The following DMC1 variants were observed in gnomAD, a reference collection of about 807,000 sequenced individuals.
The protein encoded by DMC1 is meiotic recombination protein DMC1 homolog.
Under a neutral mutation model 50.1 loss-of-function variants are expected in DMC1, and 27 were observed. That is an observed-to-expected ratio of 0.54 (90% confidence interval 0.40 to 0.74). The LOEUF (loss-of-function observed/expected upper bound fraction) is 0.74. DMC1 is among the 30% of genes least tolerant of loss of function. The probability of loss-of-function intolerance (pLI) is 0.00; values close to 1 mark genes in which losing one functional copy is unlikely to be tolerated. For missense variants in DMC1, 295 were observed against 420.2 expected, an observed-to-expected ratio of 0.70 and a Z score of 2.60; for synonymous variants, 148 against 136.1, an observed-to-expected ratio of 1.09 and a Z score of -0.61.
At chr22:38,518,118 G>A (rs2089989038), downstream of DMC1, among the ~76,000 whole-genome samples, 1 of 151,952 alleles carries the variant, frequency 6.6e-6, no homozygotes, top group Non-Finnish European at 1.5e-5. Context: ...GATTACAGAC[G>A]TGCGTCATCG....
At chr22:38,517,562 T>C (rs764981872), downstream of DMC1, among the ~76,000 whole-genome samples, 3 of 151,974 alleles carry the variant, frequency 2.0e-5, no homozygotes, top group Non-Finnish European at 2.9e-5. Flanking sequence ...AGAGTGAAAC[T>C]GTGTCTCAAA....
chr22:38,549,834 A>G, intron 8 of DMC1, 91 bp downstream of exon 8: 2 of 949,490 alleles, frequency 2.1e-6, no homozygotes, highest in South Asian at 2.8e-5. Context: ...TTATGGAATG[A>G]CTACAAAGAT....
intron 6 of DMC1, among the ~76,000 whole-genome samples, chr22:38,553,956 C>CAAA (rs35690372): frequency 2.6e-4 from 9 of 34,788 alleles, no homozygotes; most frequent in African/African-American, 5.5e-4. Flanking sequence ...ACTCCATCTC[C>CAAA]AAAAAAAAAA....
chr22:38,537,576 G>T lies in DMC1; in HGVS notation c.836+16C>A, dbSNP rs759194971. ...ATTAACCTCTGTGAAATAAAAAGTA[G>T]AATATTGGGGCTTACGTCATAGTTG... On this transcript the variant is annotated intron_variant, in intron 12 of 13. Coordinates refer to ENST00000216024, the MANE Select transcript of DMC1 (RefSeq NM_007068.4). 1 of 1,610,160 alleles carries T rather than the reference G, an allele frequency of 6.2e-7. No homozygotes were observed. The highest frequency in any genetic ancestry group is 8.5e-7 in the Non-Finnish European group (1 of 1,176,486).
downstream of DMC1, among the ~76,000 whole-genome samples, chr22:38,515,294 A>G (rs528210199): frequency 1.3e-5 from 2 of 151,130 alleles, no homozygotes; most frequent in South Asian, 4.2e-4. Flanking sequence ...CCTGACCAAC[A>G]TGGTGAAACC....
At chr22:38,552,846 T>A (rs1339641942) in intron 6 of DMC1, 139 bp from the exon 7 acceptor site, 1 of 664,622 alleles carries the variant, frequency 1.5e-6, no homozygotes, top group Non-Finnish European at 2.6e-6. Flanking sequence ...GTATCTCGGA[T>A]GTTATTTTTT....
At chr22:38,555,815 G>A (rs945273388) in intron 5 of DMC1, among the ~76,000 whole-genome samples, 2 of 151,392 alleles carry the variant, frequency 1.3e-5, no homozygotes, top group African/African-American at 4.8e-5. Context: ...GTTACAGATC[G>A]TCTTAATTAT....
chr22:38,537,697 A>C, intron 11 of DMC1, 45 bp from the exon 12 acceptor site: 1 of 1,448,496 alleles, frequency 6.9e-7, no homozygotes, highest in Non-Finnish European at 9.7e-7. Flanking sequence ...AAGGCAATAT[A>C]GATATTTAAA....
intron 13 of DMC1, among the ~76,000 whole-genome samples, chr22:38,520,748 G>A (rs1165300724): frequency 6.6e-6 from 1 of 152,110 alleles, no homozygotes; most frequent in Non-Finnish European, 1.5e-5. Context: ...CCTTTCTTAT[G>A]ACTAGACTAA....
downstream of DMC1, among the ~76,000 whole-genome samples, chr22:38,514,259 T>TC (rs1413060981): frequency 2.8e-5 from 4 of 142,322 alleles, no homozygotes; most frequent in African/African-American, 7.9e-5. Flanking sequence ...TTTTTTTTTT[T>TC]TTTTTTTTTT....
At chr22:38,514,878 A>G (rs1325575611), downstream of DMC1, among the ~76,000 whole-genome samples, 1 of 151,670 alleles carries the variant, frequency 6.6e-6, no homozygotes, top group Non-Finnish European at 1.5e-5. Flanking sequence ...TCAAGAACTA[A>G]CCGTAAGTAT....
At chr22:38,536,163 C>T (rs1299816539) in intron 12 of DMC1, among the ~76,000 whole-genome samples, 1 of 151,520 alleles carries the variant, frequency 6.6e-6, no homozygotes, top group African/African-American at 2.4e-5. Flanking sequence ...TTGCAGTGAG[C>T]AGAGATGGTG....
At chr22:38,550,930 CAAA>C (rs60295497) in intron 7 of DMC1, among the ~76,000 whole-genome samples, 948 of 57,660 alleles carry the variant, frequency 0.016, 4 homozygotes, top group African/African-American at 0.051. Context: ...GACTCCATCT[CAAA>C]AAAAAAAAAA....
intron 13 of DMC1, among the ~76,000 whole-genome samples, chr22:38,521,367 A>G (rs1015556054): frequency 1.3e-5 from 2 of 152,058 alleles, no homozygotes; most frequent in Admixed American, 1.3e-4. Context: ...TTCCCAATAA[A>G]TTGAATAATT....
chr22:38,569,332 C>A (rs1251333243), intron 1 of DMC1: 4 of 152,022 alleles, frequency 2.6e-5, no homozygotes, highest in Non-Finnish European at 5.9e-5. Context: ...CGGTCCAAAT[C>A]ATCATTTTTC....
chr22:38,552,850 AT>A lies in DMC1; in HGVS notation c.380-144del. The A allele has an allele frequency of 7.8e-6, 5 of 644,478 alleles. No individual in the cohort carries two copies. The South Asian group carries it at 9.5e-5, about 12-fold the overall frequency. 39.9% of individuals were successfully genotyped at this position (644,478 alleles called of 1,614,324 possible). ...TTACTTATAAAGTATCTCGGATGTT[AT>A]TTTTTATTTTTTTTTTGAGACAGAG... On this transcript the variant is annotated intron_variant, in intron 6 of 13. Transcript: ENST00000216024.
intron 2 of DMC1, 61 bp downstream of exon 2, chr22:38,568,145 A>G: frequency 6.9e-7 from 1 of 1,452,514 alleles, no homozygotes; most frequent in Non-Finnish European, 9.7e-7. Flanking sequence ...CTAACAGGGA[A>G]GGAACTTGAT....
chr22:38,522,876 G>C (rs2090044470), intron 12 of DMC1, among the ~76,000 whole-genome samples: 1 of 152,152 alleles, frequency 6.6e-6, no homozygotes, highest in African/African-American at 2.4e-5. Context: ...AGTTTGCTGA[G>C]ATAAACTGCT....
intron 13 of DMC1, 111 bp downstream of exon 13, chr22:38,521,497 A>C: frequency 1.4e-6 from 1 of 721,236 alleles, no homozygotes; most frequent in East Asian, 3.0e-5. Flanking sequence ...TGAGCCTAGG[A>C]GTTTGAGACC....
Sources: gnomAD v4.1 joint callset for allele counts (sites outside exome capture counted in the v4.1 genomes callset) on GRCh38, gnomAD v4.1.1 for gene constraint, MANE v1.5 for transcripts, NCBI Gene and HGNC (gene_info 2026-07-23, HGNC 2026-07-21) for gene names.